Variants in ATF7IP observed in about 807,000 individuals in gnomAD.
ATF7IP encodes the protein activating transcription factor 7 interacting protein, also known as activating transcription factor 7-interacting protein 1.
A neutral mutation model predicts 106.4 loss-of-function variants in ATF7IP; 23 were observed. The observed-to-expected ratio is 0.22, with a 90% CI of 0.16 to 0.31. The LOEUF (loss-of-function observed/expected upper bound fraction) is 0.31, where lower values mean the gene tolerates loss of function less well. Ranked by LOEUF, ATF7IP falls within the 10% of genes least tolerant of loss-of-function variation. The pLI, the probability that ATF7IP is intolerant of heterozygous loss-of-function variation, is 1.00. For synonymous variants in ATF7IP, 542 were observed against 539.0 expected (o/e 1.01, Z -0.08); for missense variants, 1,334 against 1,524.3 (o/e 0.88, Z 2.08).
intron 5 of ATF7IP, among the ~76,000 whole-genome samples, chr12:14,441,335 A>G (rs907349194): frequency 5.9e-5 from 9 of 152,158 alleles, no homozygotes; most frequent in African/African-American, 1.9e-4. Flanking sequence ...ATGATAAATG[A>G]TGTTGATCAA....
chr12:14,464,294 C>T (rs1487701209), intron 9 of ATF7IP, among the ~76,000 whole-genome samples: 5 of 152,206 alleles, frequency 3.3e-5, no homozygotes, highest in African/African-American at 1.2e-4. Flanking sequence ...CACTGCACTC[C>T]AGCCTGGGCA....
intron 9 of ATF7IP, among the ~76,000 whole-genome samples, chr12:14,464,332 A>G (rs1197928362): frequency 2.6e-5 from 4 of 152,222 alleles, no homozygotes; most frequent in African/African-American, 4.8e-5. Context: ...CTCAGAAAGA[A>G]AAACAAACAA....
At chr12:14,374,356 C>T (rs891431087) in intron 1 of ATF7IP, among the ~76,000 whole-genome samples, 17 of 147,824 alleles carry the variant, frequency 1.2e-4, no homozygotes, top group Non-Finnish European at 2.2e-4. Context: ...TCAAGCAATC[C>T]TCCCCTCTTG....
At chr12:14,433,274 A>AG (rs1481588836) in intron 2 of ATF7IP, among the ~76,000 whole-genome samples, 2 of 152,094 alleles carry the variant, frequency 1.3e-5, no homozygotes, top group East Asian at 1.9e-4. Context: ...TGGGAGGCTG[A>AG]GGGGGGTGGA....
intron 14 of ATF7IP, 110 bp from the exon 15 acceptor site, chr12:14,497,544 C>G: frequency 8.7e-7 from 1 of 1,150,318 alleles, no homozygotes; most frequent in Non-Finnish European, 1.2e-6. Flanking sequence ...TCCTAGAATT[C>G]TTGATATAAA....
At chr12:14,418,080 G>T (rs1419851076) in intron 1 of ATF7IP, among the ~76,000 whole-genome samples, 1 of 152,106 alleles carries the variant, frequency 6.6e-6, no homozygotes, top group South Asian at 2.1e-4. Flanking sequence ...TTCATTTAAA[G>T]AAGAAGCTCG....
At chr12:14,458,372 T>A (rs75960879) in intron 8 of ATF7IP, among the ~76,000 whole-genome samples, 5,068 of 152,302 alleles carry the variant, frequency 0.033, 148 homozygotes, top group African/African-American at 0.074. Flanking sequence ...ATGAAAGAAA[T>A]CCAGTCTTTT....
intron 10 of ATF7IP, among the ~76,000 whole-genome samples, chr12:14,475,086 A>C (rs117042713): frequency 3.9e-5 from 6 of 152,306 alleles, no homozygotes; most frequent in African/African-American, 7.2e-5. Context: ...TTTGGAATTG[A>C]TCTCAGTATA....
intron 6 of ATF7IP, among the ~76,000 whole-genome samples, chr12:14,450,353 T>G (rs975145328): frequency 3.3e-5 from 5 of 152,222 alleles, no homozygotes; most frequent in African/African-American, 1.2e-4. Context: ...TCTGGTTTGA[T>G]GAGTGTTTTA....
Position 14,469,377 on chromosome 12 carries a change from A to C in ATF7IP, c.2862+2787A>C, listed in dbSNP as rs1374750150. Among the ~76,000 whole-genome samples, 2 of 151,282 alleles carry C rather than the reference A, an allele frequency of 1.3e-5. 1 individual carries two copies. Among genetic ancestry groups the C allele is most frequent in the Non-Finnish European group, 3.0e-5 (2 of 67,776 alleles). Reference sequence around the variant, plus strand: ...GAGACTGTCTCAAAAAAAAAAAAAAAAAAAAACTTGGACATCTAGTGTGGA... The same window carrying C: ...GAGACTGTCTCAAAAAAAAAAAAAACAAAAAACTTGGACATCTAGTGTGGA... On this transcript the variant is annotated intron_variant, in intron 10 of 14. Coordinates refer to ENST00000261168, the MANE Select transcript of ATF7IP (RefSeq NM_018179.5).
chr12:14,441,865 G>A (rs944019671), intron 5 of ATF7IP, among the ~76,000 whole-genome samples: 4 of 151,984 alleles, frequency 2.6e-5, no homozygotes, highest in East Asian at 1.9e-4. Context: ...ATTTTCTCCC[G>A]TTCTGTAATT....
chr12:14,496,231 G>T lies in ATF7IP; in HGVS notation c.3281G>T (p.Ser1094Ile). Residue 1094 changes from serine to isoleucine, a missense_variant and splice_region_variant, in exon 14 of 15, where the codon AGT becomes ATT. By Grantham distance (142) the Ser-to-Ile change is moderately radical (BLOSUM62 -2). Around this residue, in one of 10 missense-constraint regions of ATF7IP, gnomAD observed 370 missense variants for 401.2 expected, o/e 0.92. Coordinates refer to ENST00000261168, the MANE Select transcript of ATF7IP (RefSeq NM_018179.5). ...PAVRQVNPQN[S>I]VTVRVPQTTT... is the part of the protein sequence containing the mutation. ...CTGTAATTTTTTTGTTTGTTTGTAG[G>T]TGTTACAGTTCGAGTGCCTCAAACA... 6.3e-7 allele frequency: 1 copy of T among 1,596,320 alleles called. No individual in the cohort carries two copies. Among genetic ancestry groups the T allele is most frequent in the South Asian group, 1.1e-5 (1 of 90,138 alleles).
At chr12:14,367,099 C>A (rs1160493210) in intron 1 of ATF7IP, among the ~76,000 whole-genome samples, 5 of 152,094 alleles carry the variant, frequency 3.3e-5, no homozygotes, top group Non-Finnish European at 7.4e-5. Context: ...AAGAAACTTG[C>A]AAATGTTTTC....
At chr12:14,421,354 G>C (rs1274653733) in intron 1 of ATF7IP, among the ~76,000 whole-genome samples, 2 of 151,954 alleles carry the variant, frequency 1.3e-5, no homozygotes, top group East Asian at 3.8e-4. Flanking sequence ...TTTCTTTTTT[G>C]CTTAACAGAA....
rs183839023 is a variant in ATF7IP, at chr12:14,496,458, G to C, written c.3393+115G>C. On this transcript the variant is annotated intron_variant, in intron 14 of 14. Transcript: ENST00000261168. ...TCCAAGGGAAGTGTTAGGTCTTCCT[G>C]CTTTTTCAGAAGTTTATTTCTAAAA... The C allele has an allele frequency of 9.0e-5, 57 of 631,914 alleles. No individual in the cohort carries two copies. In the African/African-American group the frequency reaches 9.8e-4, roughly 11 times the overall value. The allele number at this position is 631,914 out of a possible 1,614,324, so 39.1% of individuals were successfully genotyped here.
At chr12:14,472,495 C>A (rs1944088008) in intron 10 of ATF7IP, among the ~76,000 whole-genome samples, 2 of 152,064 alleles carry the variant, frequency 1.3e-5, no homozygotes, top group Admixed American at 1.3e-4. Context: ...TATACGCATA[C>A]CTATTTTCCC....
At chr12:14,466,138 C>G (rs117691000) in intron 9 of ATF7IP, 3,285 of 159,908 alleles carry the variant, frequency 0.021, 37 homozygotes, top group Middle Eastern at 0.031. Flanking sequence ...ACTGTTTCTA[C>G]TGAATTTATT....
chr12:14,438,227 A>G lies in ATF7IP; in HGVS notation c.1889A>G (p.Glu630Gly). The change falls in exon 5 of 15, where the codon GAA becomes GGA. Residue 630 changes from glutamate (E) to glycine (G), a missense_variant. Around this residue, in one of 10 missense-constraint regions of ATF7IP, gnomAD observed 22 missense variants for 47.4 expected, o/e 0.46. Coordinates refer to ENST00000261168, the MANE Select transcript of ATF7IP (RefSeq NM_018179.5). ...TTGAAAACACGAGTGGAAAAGATTG[A>G]ATGTAACAAGAGGCATAAAACAGTT... ...AELKTRVEKIECNKRHKTVLT... is the reference protein window; with the variant it reads ...AELKTRVEKIGCNKRHKTVLT... 1 of 1,613,024 alleles carries G rather than the reference A, an allele frequency of 6.2e-7. No homozygotes were observed. Among genetic ancestry groups the G allele is most frequent in the South Asian group, 1.1e-5 (1 of 91,014 alleles).
At chr12:14,489,948 T>G (rs549485399) in intron 13 of ATF7IP, among the ~76,000 whole-genome samples, 55 of 152,338 alleles carry the variant, frequency 3.6e-4, no homozygotes, top group African/African-American at 1.3e-3. Context: ...ACCTCTTCCC[T>G]TTCCATGATG....
Sources: allele counts gnomAD v4.1 joint callset (sites outside exome capture counted in the v4.1 genomes callset), GRCh38; gene constraint gnomAD v4.1.1; regional missense constraint gnomAD v4.1.1; transcripts MANE v1.5; gene names NCBI Gene and HGNC (gene_info 2026-07-23, HGNC 2026-07-21).